The following VAV3 variants were observed in gnomAD, a reference collection of about 807,000 sequenced individuals.
VAV3 encodes the protein guanine nucleotide exchange factor VAV3.
VAV3 carries 94 observed loss-of-function variants against 131.2 expected under a neutral mutation model. That is an observed-to-expected ratio of 0.72 (90% CI 0.61 to 0.85). VAV3 has a LOEUF of 0.85. Among genes scored for constraint, VAV3 ranks in the 40% least tolerant of loss-of-function variants. The pLI is 0.00. For synonymous variants in VAV3, 349 were observed against 342.0 expected (o/e 1.02, Z -0.22); for missense variants, 939 against 1,002.7 (o/e 0.94, Z 0.86).
chr1:107,592,744 C>T (rs572713765), intron 25 of VAV3, among the ~76,000 whole-genome samples: 1 of 152,112 alleles, frequency 6.6e-6, no homozygotes, highest in Non-Finnish European at 1.5e-5. Flanking sequence ...AAGGTCCAGA[C>T]AGGCTAAGTG....
chr1:107,881,619 G>A (rs1670785452), intron 1 of VAV3, among the ~76,000 whole-genome samples: 1 of 152,162 alleles, frequency 6.6e-6, no homozygotes, highest in African/African-American at 2.4e-5. Flanking sequence ...AGAAGGGCAT[G>A]AATAGCTCGC....
chr1:107,824,929 A>G (rs1487046655), intron 2 of VAV3, among the ~76,000 whole-genome samples: 1 of 151,948 alleles, frequency 6.6e-6, no homozygotes, highest in Non-Finnish European at 1.5e-5. Context: ...CAGATGCTGA[A>G]GAAGGTAAGA....
intron 2 of VAV3, among the ~76,000 whole-genome samples, chr1:107,792,815 A>C (rs1046052243): frequency 2.0e-5 from 3 of 152,172 alleles, no homozygotes; most frequent in Non-Finnish European, 4.4e-5. Context: ...TCAGAAATGC[A>C]TGGTTGCTCC....
chr1:107,888,013 G>C (rs1191897100), intron 1 of VAV3, among the ~76,000 whole-genome samples: 2 of 151,068 alleles, frequency 1.3e-5, no homozygotes, highest in African/African-American at 2.5e-5. Flanking sequence ...TTGGGGGGGG[G>C]GTTATTTTGT....
chr1:107,650,477 T>C (rs1478956452), intron 19 of VAV3, among the ~76,000 whole-genome samples: 3 of 151,926 alleles, frequency 2.0e-5, no homozygotes, highest in African/African-American at 7.2e-5. Flanking sequence ...CAAATACATA[T>C]GTTGACACGT....
chr1:107,643,049 A>G (rs545444340), intron 19 of VAV3, among the ~76,000 whole-genome samples: 1 of 152,156 alleles, frequency 6.6e-6, no homozygotes, highest in South Asian at 2.1e-4. Context: ...CTGCTTCATA[A>G]AAAACACATC....
At chr1:107,816,319 T>C (rs1667558482) in intron 2 of VAV3, among the ~76,000 whole-genome samples, 1 of 152,234 alleles carries the variant, frequency 6.6e-6, no homozygotes, top group South Asian at 2.1e-4. Flanking sequence ...TATAAAGTGA[T>C]AAAATAACCA....
At chr1:107,882,935 G>A (rs977993547) in intron 1 of VAV3, among the ~76,000 whole-genome samples, 4 of 152,162 alleles carry the variant, frequency 2.6e-5, no homozygotes, top group East Asian at 3.8e-4. Flanking sequence ...AGGACATGCA[G>A]AGAGGACATA....
chr1:107,807,620 A>T (rs2102321056), intron 2 of VAV3, among the ~76,000 whole-genome samples: 1 of 152,294 alleles, frequency 6.6e-6, no homozygotes, highest in Middle Eastern at 3.4e-3. Flanking sequence ...CACAGTTTAT[A>T]ACCAGCACAT....
chr1:107,702,679 G>T (rs1167692067), intron 17 of VAV3, among the ~76,000 whole-genome samples: 2 of 151,638 alleles, frequency 1.3e-5, no homozygotes, highest in African/African-American at 4.8e-5. Context: ...AAAATTTTAT[G>T]TCCTTTTAAT....
chr1:107,746,186 A>G (rs950719124), intron 15 of VAV3, among the ~76,000 whole-genome samples: 4 of 152,236 alleles, frequency 2.6e-5, no homozygotes, highest in Non-Finnish European at 5.9e-5. Flanking sequence ...GGAAGCAGAC[A>G]TTATCAGGGC....
At chr1:107,913,842 C>T (rs1191495624) in intron 1 of VAV3, among the ~76,000 whole-genome samples, 1 of 152,144 alleles carries the variant, frequency 6.6e-6, no homozygotes, top group Non-Finnish European at 1.5e-5. Context: ...GTTGCCCAGG[C>T]TGGAGTGAAG....
chr1:107,585,774 C>T (rs533242439), intron 25 of VAV3, among the ~76,000 whole-genome samples: 10 of 152,324 alleles, frequency 6.6e-5, no homozygotes, highest in African/African-American at 9.6e-5. Flanking sequence ...AAGTAGGTAG[C>T]GTGCATGCAA....
chr1:107,941,864 T>C (rs1384082154), intron 1 of VAV3, among the ~76,000 whole-genome samples: 2 of 152,064 alleles, frequency 1.3e-5, no homozygotes, highest in Non-Finnish European at 2.9e-5. Flanking sequence ...CTGAATATGA[T>C]CTCCCCTACC....
chr1:107,739,584 C>T (rs1662885432), intron 15 of VAV3, among the ~76,000 whole-genome samples: 1 of 152,164 alleles, frequency 6.6e-6, no homozygotes, highest in Non-Finnish European at 1.5e-5. Flanking sequence ...AAATTCTTCA[C>T]ATTAAAAACT....
intron 19 of VAV3, among the ~76,000 whole-genome samples, chr1:107,664,311 G>A (rs115889379): frequency 2.2e-3 from 335 of 148,916 alleles, no homozygotes; most frequent in African/African-American, 8.3e-3. Flanking sequence ...ATTAAGCTCA[G>A]CTTCCATTAC....
At chr1:107,738,945 T>C (rs1406694468) in intron 15 of VAV3, among the ~76,000 whole-genome samples, 1 of 152,208 alleles carries the variant, frequency 6.6e-6, no homozygotes, top group East Asian at 1.9e-4. Context: ...CTGGCTGTAC[T>C]ATTATTGTTC....
At chr1:107,882,009 G>GTTTGCTTTCTC (rs533803777) in intron 1 of VAV3, among the ~76,000 whole-genome samples, 1,695 of 152,228 alleles carry the variant, frequency 0.011, 19 homozygotes, top group Non-Finnish European at 0.017. Flanking sequence ...TCAAAGATAT[G>GTTTGCTTTCTC]AATGCAAACA....
chr1:107,671,001 T>C (rs1223203564), intron 19 of VAV3, among the ~76,000 whole-genome samples: 1 of 152,234 alleles, frequency 6.6e-6, no homozygotes, highest in Non-Finnish European at 1.5e-5. Flanking sequence ...TATTTAAATC[T>C]GGGATCCCCA....
Sources: gnomAD v4.1 joint callset for allele counts (sites outside exome capture counted in the v4.1 genomes callset) on GRCh38, gnomAD v4.1.1 for gene constraint, MANE v1.5 for transcripts, NCBI Gene and HGNC (gene_info 2026-07-23, HGNC 2026-07-21) for gene names.